The following SUPT3H variants were observed in gnomAD, a reference collection of about 807,000 sequenced individuals.
The protein encoded by SUPT3H is SPT3 homolog, SAGA and STAGA complex component, also known as transcription initiation protein SPT3 homolog.
Under a neutral mutation model 44.3 loss-of-function variants are expected in SUPT3H, and 44 were observed. That is an observed-to-expected ratio of 0.99 (90% CI 0.78 to 1.28). The LOEUF (loss-of-function observed/expected upper bound fraction) is 1.28. Among genes scored for constraint, SUPT3H ranks in the 50% most tolerant of loss-of-function variants. SUPT3H has a pLI of 0.00. For synonymous variants in SUPT3H, 124 were observed against 125.6 expected, an observed-to-expected ratio of 0.99 and a Z score of 0.09; for missense variants, 380 against 387.1, an observed-to-expected ratio of 0.98 and a Z score of 0.15.
chr6:45,127,183 G>A (rs367939884), intron 2 of SUPT3H, among the ~76,000 whole-genome samples: 2 of 152,182 alleles, frequency 1.3e-5, no homozygotes, highest in East Asian at 3.9e-4. Context: ...GTGCAGTGGC[G>A]TGTGTCTGTA....
intron 3 of SUPT3H, among the ~76,000 whole-genome samples, chr6:45,052,881 G>C (rs1476126259): frequency 2.0e-5 from 3 of 152,098 alleles, no homozygotes; most frequent in Non-Finnish European, 4.4e-5. Context: ...ATTTCAGATA[G>C]AACAGGCAAT....
intron 10 of SUPT3H, among the ~76,000 whole-genome samples, chr6:44,843,106 T>C (rs189242067): frequency 6.6e-6 from 1 of 152,286 alleles, no homozygotes. Context: ...TTCAGTGTGC[T>C]GACAAAAAAC....
chr6:45,191,683 A>T (rs1239854545), intron 2 of SUPT3H, among the ~76,000 whole-genome samples: 1 of 149,536 alleles, frequency 6.7e-6, no homozygotes, highest in Non-Finnish European at 1.5e-5. Context: ...GCTCTAAAAA[A>T]TACAGTCTAC....
At chr6:45,373,858 C>T (rs926483057) in intron 1 of SUPT3H, among the ~76,000 whole-genome samples, 5 of 152,084 alleles carry the variant, frequency 3.3e-5, no homozygotes, top group Non-Finnish European at 7.4e-5. Flanking sequence ...CAGCCTGTGA[C>T]TTACAATATT....
chr6:45,257,935 ACAT>A (rs1322431139), intron 2 of SUPT3H, among the ~76,000 whole-genome samples: 1 of 152,218 alleles, frequency 6.6e-6, no homozygotes, highest in Non-Finnish European at 1.5e-5. Flanking sequence ...GAAACAAAAA[ACAT>A]CATTCTATTT....
At chr6:44,834,765 G>A (rs764426364) in intron 10 of SUPT3H, among the ~76,000 whole-genome samples, 7 of 152,052 alleles carry the variant, frequency 4.6e-5, no homozygotes, top group South Asian at 2.1e-4. Flanking sequence ...TAGCTTCCCC[G>A]GCCTTAATGG....
At chr6:45,096,176 T>C (rs1258730169) in intron 3 of SUPT3H, among the ~76,000 whole-genome samples, 1 of 152,156 alleles carries the variant, frequency 6.6e-6, no homozygotes, top group Non-Finnish European at 1.5e-5. Flanking sequence ...AGTGACAATT[T>C]CTAATTTGTA....
At chr6:45,050,735 T>C (rs1790147602) in intron 3 of SUPT3H, among the ~76,000 whole-genome samples, 2 of 152,104 alleles carry the variant, frequency 1.3e-5, no homozygotes, top group Non-Finnish European at 2.9e-5. Flanking sequence ...TTTCTCACAT[T>C]CCCCAGTGTT....
chr6:45,165,855 G>A (rs1809757808), intron 2 of SUPT3H, among the ~76,000 whole-genome samples: 2 of 152,144 alleles, frequency 1.3e-5, no homozygotes, highest in African/African-American at 4.8e-5. Flanking sequence ...CAAGAGCTGT[G>A]AGAAAATACT....
intron 2 of SUPT3H, among the ~76,000 whole-genome samples, chr6:45,282,912 G>C (rs1778434246): frequency 6.6e-6 from 1 of 152,230 alleles, no homozygotes; most frequent in Non-Finnish European, 1.5e-5. Flanking sequence ...CAAGCCAGAA[G>C]AGAGTGGGGG....
At chr6:44,839,339 G>A (rs995526020) in intron 10 of SUPT3H, among the ~76,000 whole-genome samples, 8 of 151,684 alleles carry the variant, frequency 5.3e-5, no homozygotes, top group African/African-American at 1.9e-4. Flanking sequence ...TTTGAAACTG[G>A]GTCTCGCCCA....
At chr6:44,838,397 G>A (rs752284716) in intron 10 of SUPT3H, among the ~76,000 whole-genome samples, 2 of 152,166 alleles carry the variant, frequency 1.3e-5, no homozygotes, top group Non-Finnish European at 2.9e-5. Flanking sequence ...GTTACAAAAT[G>A]AGAATAGAGT....
intron 2 of SUPT3H, among the ~76,000 whole-genome samples, chr6:45,215,314 G>A (rs2153632588): frequency 6.6e-6 from 1 of 152,162 alleles, no homozygotes; most frequent in South Asian, 2.1e-4. Context: ...AACTGCCAAA[G>A]GAAGACAATA....
chr6:45,327,675 T>C (rs989655736), intron 2 of SUPT3H, among the ~76,000 whole-genome samples: 2 of 151,702 alleles, frequency 1.3e-5, no homozygotes, highest in African/African-American at 4.8e-5. Flanking sequence ...AACACTTTCA[T>C]GACAGCCAAT....
At chr6:44,853,894 A>G (rs1335229897) in intron 10 of SUPT3H, among the ~76,000 whole-genome samples, 1 of 152,130 alleles carries the variant, frequency 6.6e-6, no homozygotes, top group Non-Finnish European at 1.5e-5. Flanking sequence ...TCATTTACAA[A>G]AGTAAATTTA....
At chr6:44,839,984 G>A (rs1246502005) in intron 10 of SUPT3H, among the ~76,000 whole-genome samples, 4 of 152,246 alleles carry the variant, frequency 2.6e-5, no homozygotes, top group South Asian at 4.1e-4. Context: ...ACAGGCGTGA[G>A]CCACCGCACC....
intron 2 of SUPT3H, among the ~76,000 whole-genome samples, chr6:45,131,228 C>T (rs1290220188): frequency 2.6e-5 from 4 of 152,092 alleles, no homozygotes; most frequent in South Asian, 2.1e-4. Flanking sequence ...CCTGTAGTCT[C>T]ATCCTTCCAG....
At chr6:45,045,141 G>A (rs1789173096) in intron 3 of SUPT3H, among the ~76,000 whole-genome samples, 1 of 152,032 alleles carries the variant, frequency 6.6e-6, no homozygotes, top group Non-Finnish European at 1.5e-5. Context: ...ATTAATCCAT[G>A]CCATAAAACA....
intron 6 of SUPT3H, among the ~76,000 whole-genome samples, chr6:44,988,761 G>A (rs1323596180): frequency 6.6e-6 from 1 of 152,026 alleles, no homozygotes; most frequent in East Asian, 1.9e-4. Context: ...ATTGCCACAT[G>A]TATTTCCAGA....
Sources: gnomAD v4.1 joint callset for allele counts (sites outside exome capture counted in the v4.1 genomes callset) on GRCh38, gnomAD v4.1.1 for gene constraint, MANE v1.5 for transcripts, NCBI Gene and HGNC (gene_info 2026-07-23, HGNC 2026-07-21) for gene names.